PID1: variants seen among roughly 807,000 people sequenced by gnomAD.
PID1 encodes PTB-containing, cubilin and LRP1-interacting protein.
In PID1, 10 loss-of-function variants were observed where a neutral mutation model predicts 19.1. The observed-to-expected ratio is 0.52, with a 90% confidence interval of 0.32 to 0.89. The LOEUF is 0.89. Ranked by LOEUF, PID1 falls within the 40% of genes least tolerant of loss-of-function variation. The pLI, the probability that PID1 is intolerant of heterozygous loss-of-function variation, is 0.03. For missense variants in PID1, 248 were observed against 285.3 expected (o/e 0.87, Z 0.94); for synonymous variants, 130 against 116.0 (o/e 1.12, Z -0.78).
intron 2 of PID1, among the ~76,000 whole-genome samples, chr2:229,104,472 A>T (rs1227440930): frequency 2.0e-5 from 3 of 152,146 alleles, no homozygotes; most frequent in Non-Finnish European, 4.4e-5. Context: ...ACAAATGTGT[A>T]CTCCTATTAG....
At chr2:229,121,405 G>T (rs1244534302) in intron 2 of PID1, among the ~76,000 whole-genome samples, 1 of 152,154 alleles carries the variant, frequency 6.6e-6, no homozygotes, top group Admixed American at 6.5e-5. Flanking sequence ...TTCTGACAAT[G>T]GGAACCATGT....
At chr2:229,062,500 T>C (rs1340126627) in intron 2 of PID1, among the ~76,000 whole-genome samples, 1 of 151,910 alleles carries the variant, frequency 6.6e-6, no homozygotes, top group Non-Finnish European at 1.5e-5. Context: ...CACTTGCTAG[T>C]ATTTTGTTGA....
chr2:229,029,208 C>A (rs999637548), intron 2 of PID1, among the ~76,000 whole-genome samples: 1 of 151,364 alleles, frequency 6.6e-6, no homozygotes, highest in Non-Finnish European at 1.5e-5. Context: ...TGCACTTGTA[C>A]CCCTGGACCT....
chr2:229,271,134 G>T lies in PID1; in HGVS notation c.-91C>A. The stretch of plus-strand genomic sequence containing the variant: ...GGCTGGGGTCCCGCTTTACATCTGG[G>T]GTCGGTGTCCGCGGGATGTGCGTCC... On this transcript the variant is annotated 5_prime_UTR_variant, in exon 1 of 3. Transcript: ENST00000392055. The T allele has an allele frequency of 7.1e-7, 1 of 1,415,110 alleles. No homozygotes were observed. Among genetic ancestry groups the T allele is most frequent in the Non-Finnish European group, 9.6e-7 (1 of 1,038,512 alleles). 87.7% of individuals were successfully genotyped at this position (1,415,110 alleles called of 1,614,324 possible). A position where few individuals can be genotyped will look rare whatever the true frequency, so the allele number is the denominator to read the frequency against.
intron 2 of PID1, among the ~76,000 whole-genome samples, chr2:229,083,419 G>T (rs1263665924): frequency 6.6e-6 from 1 of 152,132 alleles, no homozygotes; most frequent in Non-Finnish European, 1.5e-5. Flanking sequence ...AATGTTACTA[G>T]CAAATAGGAT....
intron 1 of PID1, among the ~76,000 whole-genome samples, chr2:229,192,193 G>A (rs1028997027): frequency 2.6e-5 from 4 of 152,148 alleles, no homozygotes; most frequent in Non-Finnish European, 5.9e-5. Flanking sequence ...TACACAACAC[G>A]GTTTGACAGT....
intron 1 of PID1, among the ~76,000 whole-genome samples, chr2:229,212,083 G>A (rs1302756571): frequency 2.2e-5 from 2 of 90,666 alleles, no homozygotes; most frequent in African/African-American, 8.5e-5. Context: ...GACCTACTCA[G>A]TTTGTTTGTA....
chr2:229,042,014 A>G (rs1048659165), intron 2 of PID1, among the ~76,000 whole-genome samples: 2 of 152,238 alleles, frequency 1.3e-5, no homozygotes, highest in Non-Finnish European at 2.9e-5. Flanking sequence ...TCTCTAGATT[A>G]TAAAATAGTA....
chr2:229,230,510 T>A (rs1692182150), intron 1 of PID1, among the ~76,000 whole-genome samples: 1 of 152,226 alleles, frequency 6.6e-6, no homozygotes, highest in African/African-American at 2.4e-5. Context: ...CTTCTGTGAA[T>A]AACTCCTATA....
intron 2 of PID1, among the ~76,000 whole-genome samples, chr2:229,154,845 ATT>A (rs1574673942): frequency 1.3e-5 from 2 of 152,260 alleles, no homozygotes; most frequent in East Asian, 3.9e-4. Context: ...CATAAAACAT[ATT>A]TTCTTTGTGA....
At chr2:229,084,514 G>A (rs1369515803) in intron 2 of PID1, among the ~76,000 whole-genome samples, 2 of 152,126 alleles carry the variant, frequency 1.3e-5, no homozygotes, top group South Asian at 2.1e-4. Context: ...GGGTTTACAG[G>A]CATATGAATT....
chr2:229,086,279 C>A (rs950334057), intron 2 of PID1, among the ~76,000 whole-genome samples: 1 of 152,050 alleles, frequency 6.6e-6, no homozygotes, highest in Non-Finnish European at 1.5e-5. Context: ...TACTGGACAG[C>A]GTAACTTAGC....
At chr2:229,156,994 C>G (rs895310108) in intron 1 of PID1, among the ~76,000 whole-genome samples, 4 of 152,144 alleles carry the variant, frequency 2.6e-5, no homozygotes, top group Non-Finnish European at 4.4e-5. Flanking sequence ...TCCTTGAGGT[C>G]CCTGATCAAA....
intron 1 of PID1, among the ~76,000 whole-genome samples, chr2:229,251,944 T>TAAAAAAAAAAAAAAAAAAAAAAAGC: frequency 1.4e-5 from 1 of 71,474 alleles, no homozygotes; most frequent in Non-Finnish European, 2.9e-5. Context: ...AACCATAAGC[T>TAAAAAAAAAAAAAAAAAAAAAAAGC]AAAAAAAAAA....
intron 2 of PID1, among the ~76,000 whole-genome samples, chr2:229,151,695 C>T (rs1559258697): frequency 6.6e-6 from 1 of 151,868 alleles, no homozygotes; most frequent in Non-Finnish European, 1.5e-5. Flanking sequence ...CTCAACCTCC[C>T]GAGTAGCTGC....
chr2:229,183,278 G>A (rs759129411), intron 1 of PID1, among the ~76,000 whole-genome samples: 6 of 152,304 alleles, frequency 3.9e-5, no homozygotes, highest in South Asian at 4.1e-4. Context: ...CAGATTCTTC[G>A]TTAGGAACCA....
chr2:229,106,896 T>C (rs1271978843), intron 2 of PID1, among the ~76,000 whole-genome samples: 1 of 152,160 alleles, frequency 6.6e-6, no homozygotes, highest in Non-Finnish European at 1.5e-5. Context: ...TATCCCCCAG[T>C]ACCTGCAAAC....
chr2:229,268,960 T>C (rs1690664754), intron 1 of PID1, among the ~76,000 whole-genome samples: 1 of 152,130 alleles, frequency 6.6e-6, no homozygotes, highest in African/African-American at 2.4e-5. Context: ...AGTAAAAACA[T>C]ATAAATTATG....
At chr2:229,029,894 C>T (rs1386612128) in intron 2 of PID1, among the ~76,000 whole-genome samples, 1 of 151,104 alleles carries the variant, frequency 6.6e-6, no homozygotes, top group Non-Finnish European at 1.5e-5. Context: ...TGTAGTTCCA[C>T]TTCTGGGTAT....
Sources: gnomAD v4.1 joint callset for allele counts (sites outside exome capture counted in the v4.1 genomes callset) on GRCh38, gnomAD v4.1.1 for gene constraint, MANE v1.5 for transcripts, NCBI Gene and HGNC (gene_info 2026-07-23, HGNC 2026-07-21) for gene names.